GLIS1: variants seen among roughly 807,000 people sequenced by gnomAD.
The protein encoded by GLIS1 is GLIS family zinc finger 1, also known as zinc finger protein GLIS1.
GLIS1 carries 24 observed loss-of-function variants against 63.8 expected under a neutral mutation model. That is an observed-to-expected ratio of 0.38 (90% CI 0.27 to 0.53). The LOEUF is 0.53. Ranked by LOEUF, GLIS1 falls within the 20% of genes least tolerant of loss-of-function variation. GLIS1 has a pLI of 0.85. For missense variants in GLIS1, 1,036 were observed against 1,074.1 expected (o/e 0.96, Z 0.50); for synonymous variants, 450 against 482.5 (o/e 0.93, Z 0.88).
At chr1:53,691,662 C>T (rs1052146507) in intron 2 of GLIS1, among the ~76,000 whole-genome samples, 1 of 152,204 alleles carries the variant, frequency 6.6e-6, no homozygotes, top group African/African-American at 2.4e-5. Context: ...TGCAGCCACT[C>T]AGCCAGCATC....
At chr1:53,520,826 C>A in intron 6 of GLIS1, 60 bp from the exon 7 acceptor site, 1 of 1,522,832 alleles carries the variant, frequency 6.6e-7, no homozygotes, top group East Asian at 2.4e-5. Flanking sequence ...ACCAGCAACC[C>A]TCACGTTAGG....
At chr1:53,728,514 A>T (rs1646827411) in intron 2 of GLIS1, among the ~76,000 whole-genome samples, 1 of 152,146 alleles carries the variant, frequency 6.6e-6, no homozygotes, top group African/African-American at 2.4e-5. Context: ...CAAGGTCCCC[A>T]AGTTAGTACA....
chr1:53,553,637 G>A (rs904964184), intron 4 of GLIS1, among the ~76,000 whole-genome samples: 1 of 152,208 alleles, frequency 6.6e-6, no homozygotes, highest in African/African-American at 2.4e-5. Flanking sequence ...GTATGGCAGG[G>A]AGTACTGGTG....
chr1:53,694,290 C>A (rs958930634), intron 2 of GLIS1, among the ~76,000 whole-genome samples: 49 of 152,178 alleles, frequency 3.2e-4, no homozygotes, highest in Non-Finnish European at 2.9e-5. Context: ...AAGACATCAG[C>A]AAAGCACACA....
intron 2 of GLIS1, among the ~76,000 whole-genome samples, chr1:53,722,352 G>A (rs1338164932): frequency 6.6e-6 from 1 of 152,148 alleles, no homozygotes; most frequent in Non-Finnish European, 1.5e-5. Flanking sequence ...CTGGGGGAAA[G>A]CTGAAAATTC....
intron 4 of GLIS1, among the ~76,000 whole-genome samples, chr1:53,535,577 T>C (rs1308510136): frequency 1.3e-5 from 2 of 151,830 alleles, no homozygotes; most frequent in African/African-American, 4.9e-5. Context: ...GCCAGGAACA[T>C]GTTCCCTCCT....
Position 53,506,434 on chromosome 1 carries a change from C to G in GLIS1, c.*185G>C. ...GGCGGGCACCTCTGTGCGCCCAGCT[C>G]AAGCTCGGATGGCGGCTCCCTGGCA... is the stretch of plus-strand genomic sequence containing the variant. On this transcript the variant is annotated 3_prime_UTR_variant, in exon 11 of 11. Transcript: ENST00000628545. The G allele has an allele frequency of 1.6e-6, 1 of 619,810 alleles. No individual in the cohort carries two copies. Among genetic ancestry groups the G allele is most frequent in the Non-Finnish European group, 2.8e-6 (1 of 356,482 alleles). The allele number at this position is 619,810 out of a possible 1,614,324, so 38.4% of individuals were successfully genotyped here.
intron 10 of GLIS1, 27 bp downstream of exon 10, chr1:53,509,093 A>T: frequency 6.5e-7 from 1 of 1,535,786 alleles, no homozygotes; most frequent in Non-Finnish European, 8.8e-7. Flanking sequence ...GGTGCCCAGG[A>T]CTGGGAGCCA....
At chr1:53,677,047 G>C (rs554019469) in intron 2 of GLIS1, among the ~76,000 whole-genome samples, 7 of 152,236 alleles carry the variant, frequency 4.6e-5, no homozygotes, top group Middle Eastern at 6.8e-3. Context: ...GCTGAGCAAC[G>C]CAAACAGCAG....
intron 4 of GLIS1, among the ~76,000 whole-genome samples, chr1:53,531,133 T>C (rs927287782): frequency 1.3e-5 from 2 of 152,244 alleles, no homozygotes; most frequent in African/African-American, 4.8e-5. Context: ...CTGCTATGCC[T>C]GCTGCCTTCC....
At chr1:53,689,238 C>T (rs1172461184) in intron 2 of GLIS1, among the ~76,000 whole-genome samples, 2 of 152,230 alleles carry the variant, frequency 1.3e-5, no homozygotes, top group African/African-American at 2.4e-5. Flanking sequence ...TGTGATGGAG[C>T]GAAGCAGGGG....
chr1:53,640,541 G>T (rs1313608254), intron 2 of GLIS1, among the ~76,000 whole-genome samples: 1 of 152,126 alleles, frequency 6.6e-6, no homozygotes, highest in Non-Finnish European at 1.5e-5. Context: ...TGGATCTCCT[G>T]CCTGTAGGGT....
At chr1:53,661,275 G>C (rs1033046726) in intron 2 of GLIS1, among the ~76,000 whole-genome samples, 1 of 152,162 alleles carries the variant, frequency 6.6e-6, no homozygotes, top group Admixed American at 6.5e-5. Context: ...TGGAGGAGGG[G>C]GCACTTGAGC....
chr1:53,555,080 T>C (rs774293675), intron 4 of GLIS1, among the ~76,000 whole-genome samples: 29 of 152,162 alleles, frequency 1.9e-4, no homozygotes, highest in Non-Finnish European at 7.4e-5. Flanking sequence ...AAGAACCCCA[T>C]GCACTCTCAG....
intron 2 of GLIS1, among the ~76,000 whole-genome samples, chr1:53,711,012 A>C (rs1646641390): frequency 6.6e-6 from 1 of 151,404 alleles, no homozygotes; most frequent in Non-Finnish European, 1.5e-5. Flanking sequence ...GACTACACCC[A>C]CCCGTACCCC....
In GLIS1 at chr1:53,509,988, C is replaced by G. The variant is rs779719548; in HGVS notation, c.1923G>C (p.Leu641=). 3 of 1,287,152 alleles carry G rather than the reference C, an allele frequency of 2.3e-6. No homozygotes were observed. The highest frequency in any genetic ancestry group is 3.6e-5 in the South Asian group (1 of 27,930). 79.7% of individuals were successfully genotyped at this position (1,287,152 alleles called of 1,614,324 possible). Residue 641 remains leucine (L), a synonymous_variant, in exon 9 of 11, where the codon CTG becomes CTC. Coordinates refer to ENST00000628545, the MANE Select transcript of GLIS1 (RefSeq NM_001367484.1). ...PGLLSPIVSP[L]KGLGPPPLPP... Reference sequence around the variant, plus strand: ...GCAGCGGCGGTGGCCCCAGCCCCTTCAGGGGGCTGACTATTGGTGAGAGGA... The same window carrying G: ...GCAGCGGCGGTGGCCCCAGCCCCTTGAGGGGGCTGACTATTGGTGAGAGGA...
rs1646266222 is a variant in GLIS1, at chr1:53,680,744, A to G, written c.259+57062T>C. The stretch of plus-strand genomic sequence containing the variant: ...ATGAATGAATGAAAGACACTCCAAA[A>G]CCAAAGCCATTCAGGTCATCTGAGT... On this transcript the variant is annotated intron_variant, in intron 2 of 10. Coordinates refer to ENST00000628545, the MANE Select transcript of GLIS1 (RefSeq NM_001367484.1). Among the ~76,000 whole-genome samples the G allele has an allele frequency of 2.6e-5, 4 of 152,148 alleles. No individual in the cohort carries two copies. The South Asian group carries it at 8.3e-4, about 32-fold the overall frequency.
intron 5 of GLIS1, 101 bp from the exon 6 acceptor site, chr1:53,524,988 G>T (rs1356677886): frequency 9.2e-6 from 8 of 866,812 alleles, no homozygotes; most frequent in Non-Finnish European, 1.5e-5. Flanking sequence ...CGAGAGGCTG[G>T]CTGCAGGCCA....
chr1:53,557,488 G>C (rs1012596953), intron 4 of GLIS1, among the ~76,000 whole-genome samples: 6 of 152,172 alleles, frequency 3.9e-5, no homozygotes, highest in Admixed American at 3.9e-4. Context: ...AAGGAGGTGA[G>C]GAAGTGTCCA....
Sources: allele counts gnomAD v4.1 joint callset (sites outside exome capture counted in the v4.1 genomes callset), GRCh38; gene constraint gnomAD v4.1.1; transcripts MANE v1.5; gene names NCBI Gene and HGNC (gene_info 2026-07-23, HGNC 2026-07-21).